UNC5D: variants seen among roughly 807,000 people sequenced by gnomAD.
UNC5D encodes the protein netrin receptor UNC5D.
A neutral mutation model predicts 105.4 loss-of-function variants in UNC5D; 39 were observed. The observed-to-expected ratio is 0.37, with a 90% CI of 0.29 to 0.48. UNC5D has a LOEUF of 0.48. UNC5D is among the 20% of genes least tolerant of loss of function. The probability of loss-of-function intolerance (pLI) is 0.98; values close to 1 mark genes in which losing one functional copy is unlikely to be tolerated. For missense variants in UNC5D, 991 were observed against 1,202.4 expected (o/e 0.82, Z 2.60); for synonymous variants, 452 against 450.4 (o/e 1.00, Z -0.04).
intron 2 of UNC5D, among the ~76,000 whole-genome samples, chr8:35,556,271 G>C (rs1283664487): frequency 6.6e-6 from 1 of 152,150 alleles, no homozygotes; most frequent in Non-Finnish European, 1.5e-5. Context: ...TATAATCATA[G>C]AATTTTGCAT....
intron 7 of UNC5D, among the ~76,000 whole-genome samples, chr8:35,692,652 C>T (rs1826486485): frequency 6.6e-6 from 1 of 152,152 alleles, no homozygotes; most frequent in Non-Finnish European, 1.5e-5. Flanking sequence ...TATTTCAAAA[C>T]CAGCTGAACC....
intron 16 of UNC5D, among the ~76,000 whole-genome samples, chr8:35,783,287 T>C (rs1391077891): frequency 1.3e-5 from 2 of 152,180 alleles, no homozygotes; most frequent in Non-Finnish European, 2.9e-5. Flanking sequence ...ATTCTGAAAT[T>C]ATTGCATGAA....
At chr8:35,408,591 G>A (rs1022416070) in intron 1 of UNC5D, among the ~76,000 whole-genome samples, 10 of 151,704 alleles carry the variant, frequency 6.6e-5, no homozygotes, top group African/African-American at 1.9e-4. Context: ...CTGTCAGAGC[G>A]TGACTAAAAT....
At chr8:35,675,240 A>G (rs1586397244) in intron 4 of UNC5D, among the ~76,000 whole-genome samples, 1 of 152,014 alleles carries the variant, frequency 6.6e-6, no homozygotes, top group Admixed American at 6.6e-5. Flanking sequence ...AGAATAATGG[A>G]CCCCTCCCTT....
At chr8:35,745,800 G>T (rs933329338) in intron 11 of UNC5D, among the ~76,000 whole-genome samples, 2 of 152,146 alleles carry the variant, frequency 1.3e-5, no homozygotes, top group Non-Finnish European at 2.9e-5. Context: ...CATCGAGGTG[G>T]TTCATATTTT....
chr8:35,394,640 C>A (rs1367918232), intron 1 of UNC5D, among the ~76,000 whole-genome samples: 1 of 150,224 alleles, frequency 6.7e-6, no homozygotes, highest in Non-Finnish European at 1.5e-5. Context: ...TATATAAAAT[C>A]GACCTCAGTA....
intron 1 of UNC5D, among the ~76,000 whole-genome samples, chr8:35,276,612 A>G (rs1805793436): frequency 6.6e-6 from 1 of 152,204 alleles, no homozygotes; most frequent in Non-Finnish European, 1.5e-5. Flanking sequence ...TTCACTAAGC[A>G]ATTTTCTGAG....
chr8:35,439,073 T>G (rs1164469004), intron 1 of UNC5D, among the ~76,000 whole-genome samples: 1 of 151,938 alleles, frequency 6.6e-6, no homozygotes, highest in Non-Finnish European at 1.5e-5. Context: ...GGCAAATTAT[T>G]TAAATTATCT....
intron 1 of UNC5D, among the ~76,000 whole-genome samples, chr8:35,360,333 T>C (rs1266978631): frequency 2.0e-5 from 3 of 152,200 alleles, no homozygotes; most frequent in African/African-American, 7.2e-5. Context: ...CTAGAAGCTT[T>C]CATTTTTGTA....
chr8:35,577,096 A>T (rs1297017633), intron 3 of UNC5D, among the ~76,000 whole-genome samples: 2 of 152,166 alleles, frequency 1.3e-5, no homozygotes, highest in African/African-American at 2.4e-5. Flanking sequence ...AATTTTTTTC[A>T]GAAGTGTTTT....
At chr8:35,562,626 T>G (rs1817040312) in intron 2 of UNC5D, among the ~76,000 whole-genome samples, 1 of 152,146 alleles carries the variant, frequency 6.6e-6, no homozygotes, top group South Asian at 2.1e-4. Flanking sequence ...TAAATGTCTT[T>G]TCAGGTCTTG....
In UNC5D at chr8:35,720,171, G is replaced by T. The variant is rs1392091320; in HGVS notation, c.1118-2039G>T. ...GTTCCTGCTGTTTGGTTTTGTCTTA[G>T]GATGTTCACTGCCACTGAATCCATT... On this transcript the variant is annotated intron_variant, in intron 8 of 16. Coordinates refer to ENST00000404895, the MANE Select transcript of UNC5D (RefSeq NM_080872.4). 2.0e-5 allele frequency among the ~76,000 whole-genome samples: 3 copies of T among 152,160 alleles called. No homozygotes were observed. In the South Asian group the frequency reaches 6.2e-4, roughly 32 times the overall value.
intron 1 of UNC5D, among the ~76,000 whole-genome samples, chr8:35,541,942 G>A (rs910090892): frequency 6.6e-6 from 1 of 151,534 alleles, no homozygotes; most frequent in African/African-American, 2.4e-5. Flanking sequence ...GTTCTTTAAG[G>A]AACTAAGAAT....
chr8:35,684,528 A>G, intron 5 of UNC5D, 54 bp from the exon 6 acceptor site: 2 of 1,578,794 alleles, frequency 1.3e-6, no homozygotes, highest in Non-Finnish European at 1.7e-6. Context: ...CATAGTAGGC[A>G]ATCAGTAAAA....
At chr8:35,498,771 A>C (rs1291515381) in intron 1 of UNC5D, among the ~76,000 whole-genome samples, 1 of 152,102 alleles carries the variant, frequency 6.6e-6, no homozygotes, top group Non-Finnish European at 1.5e-5. Flanking sequence ...TCTTGGCTCA[A>C]AACTCATAAT....
chr8:35,453,849 A>G lies in UNC5D; in HGVS notation c.104-95443A>G, dbSNP rs537180075. 1.1e-4 allele frequency among the ~76,000 whole-genome samples: 16 copies of G among 152,234 alleles called. 1 individual carries two copies. The highest frequency in any genetic ancestry group is 3.9e-4 in the African/African-American group (16 of 41,550). On this transcript the variant is annotated intron_variant, in intron 1 of 16. Coordinates refer to ENST00000404895, the MANE Select transcript of UNC5D (RefSeq NM_080872.4). ...TTCCTCATCTTCCTTTAGCTGGAGT[A>G]TAAAATTAACCTCCTGCCCACACTC... is the stretch of plus-strand genomic sequence containing the variant.
At chr8:35,752,559 G>A (rs1220565722) in intron 13 of UNC5D, among the ~76,000 whole-genome samples, 3 of 152,090 alleles carry the variant, frequency 2.0e-5, no homozygotes, top group African/African-American at 7.2e-5. Context: ...GCTTTCAAAG[G>A]TGTGCCATTC....
chr8:35,710,936 T>TAAAAGGAAGTCTAGAGCACTTAACATG (rs1344405127), intron 8 of UNC5D, among the ~76,000 whole-genome samples: 4 of 132,910 alleles, frequency 3.0e-5, no homozygotes, highest in Admixed American at 2.2e-4. Context: ...GCATTATTCT[T>TAAAAGGAAGTCTAGAGCACTTAACATG]TTTTTTTTTT....
intron 1 of UNC5D, among the ~76,000 whole-genome samples, chr8:35,433,307 CTTGGTCCAT>C (rs774282075): frequency 1.3e-5 from 2 of 152,078 alleles, no homozygotes; most frequent in Non-Finnish European, 2.9e-5. Flanking sequence ...TGTTTATGTC[CTTGGTCCAT>C]TTGGTCCATT....
Sources: allele counts gnomAD v4.1 joint callset (sites outside exome capture counted in the v4.1 genomes callset), GRCh38; gene constraint gnomAD v4.1.1; transcripts MANE v1.5; gene names NCBI Gene and HGNC (gene_info 2026-07-23, HGNC 2026-07-21).